The following ENO3 variants were observed in gnomAD, a reference collection of about 807,000 sequenced individuals.
ENO3 encodes beta-enolase.
ENO3 carries 46 observed loss-of-function variants against 47.7 expected under a neutral mutation model. The observed-to-expected ratio is 0.96, with a 90% CI of 0.76 to 1.23. ENO3 has a LOEUF of 1.23. Among genes scored for constraint, ENO3 ranks in the 50% most tolerant of loss-of-function variants. The pLI is 0.00. For synonymous variants in ENO3, 223 were observed against 225.9 expected, an observed-to-expected ratio of 0.99 and a Z score of 0.11; for missense variants, 575 against 566.2, an observed-to-expected ratio of 1.02 and a Z score of -0.16.
At position 4,955,492 on chromosome 17, in the gene ENO3, C is replaced by T; in HGVS notation, c.753C>T (p.Phe251=). Residue 251 remains phenylalanine, a synonymous_variant, in exon 8 of 12, where the codon TTC becomes TTT. Coordinates refer to ENST00000519602, the MANE Select transcript of ENO3 (RefSeq NM_053013.4). ...VIGMDVAASE[F]YRNGKYDLDF... ...GCATGGATGTGGCAGCATCTGAGTT[C>T]TATCGCAATGGGAAGTACGATCTTG... is the stretch of plus-strand genomic sequence containing the variant. 1 of 1,614,244 alleles carries T rather than the reference C, an allele frequency of 6.2e-7. No homozygotes were observed. The highest frequency in any genetic ancestry group is 8.5e-7 in the Non-Finnish European group (1 of 1,180,050).
chr17:4,956,531 A>G (rs1418230409), intron 9 of ENO3, 42 bp from the exon 10 acceptor site: 5 of 1,601,778 alleles, frequency 3.1e-6, no homozygotes, highest in East Asian at 2.2e-5. Flanking sequence ...TTTCCCACTG[A>G]GGAGGTTCTA....
chr17:4,952,820 T>G lies in ENO3; in HGVS notation c.111T>G (p.Ser37Arg). 6.2e-7 allele frequency: 1 copy of G among 1,611,586 alleles called. No homozygotes were observed. The highest frequency in any genetic ancestry group is 1.1e-5 in the South Asian group (1 of 90,500). The change falls in exon 3 of 12, where the codon AGT becomes AGG. Residue 37 changes from serine (S) to arginine (R), a missense_variant. By Grantham distance (110) the Ser-to-Arg change is moderately radical. Transcript: ENST00000519602. Reference sequence around the variant, plus strand: ...GCCGATTCCGAGCAGCTGTGCCCAGTGGGGCTTCCACGGGTATCTATGAGG... The same window carrying G: ...GCCGATTCCGAGCAGCTGTGCCCAGGGGGGCTTCCACGGGTATCTATGAGG... ...AKGRFRAAVPSGASTGIYEAL... is the reference protein window; with the variant it reads ...AKGRFRAAVPRGASTGIYEAL...
rs921449276 is a variant in ENO3 at position 4,954,092 on chromosome 17, G to A, written c.444+247G>A. On this transcript the variant is annotated intron_variant, in intron 6 of 11. Coordinates refer to ENST00000519602, the MANE Select transcript of ENO3 (RefSeq NM_053013.4). ...TCCTTCCCATTCCAATCCTAGGCTC[G>A]ATAACTCCAGCCTCGTTCCAACCCC... is the stretch of plus-strand genomic sequence containing the variant. 41 of 609,182 alleles carry A rather than the reference G, an allele frequency of 6.7e-5. 1 individual carries two copies. Among genetic ancestry groups the A allele is most frequent in the East Asian group, 4.7e-4 (16 of 34,390 alleles). 37.7% of individuals were successfully genotyped at this position (609,182 alleles called of 1,614,324 possible). A position where few individuals can be genotyped will look rare whatever the true frequency, so the allele number is the denominator to read the frequency against.
rs763327091 is a variant in ENO3 at position 4,955,513 on chromosome 17, T to G, written c.774T>G (p.Asp258Glu). The G allele has an allele frequency of 5.9e-5, 95 of 1,614,170 alleles. 1 individual carries two copies. The Middle Eastern group carries it at 5.8e-3, about 98-fold the overall frequency. ...ASEFYRNGKY[D>E]LDFKSPDDPA... ...AGTTCTATCGCAATGGGAAGTACGA[T>G]CTTGACTTCAAGTCGCCTGATGATC... is the stretch of plus-strand genomic sequence containing the variant. The change falls in exon 8 of 12, where the codon GAT (aspartate) becomes GAG (glutamate). Residue 258 changes from aspartate to glutamate, a missense_variant. By Grantham distance (45) the Asp-to-Glu change is conservative. Coordinates refer to ENST00000519602, the MANE Select transcript of ENO3 (RefSeq NM_053013.4).
chr17:4,956,885 A>G lies in ENO3; in HGVS notation c.1231A>G (p.Met411Val), dbSNP rs1004741565. The change falls in exon 11 of 12, where the codon ATG becomes GTG. Residue 411 changes from methionine to valine, a missense_variant. Physicochemically the swap from Met to Val is conservative, Grantham distance 21. Coordinates refer to ENST00000519602, the MANE Select transcript of ENO3 (RefSeq NM_053013.4). The stretch of plus-strand genomic sequence containing the variant: ...GCGTCTGGCCAAATACAACCAACTC[A>G]TGAGGTACAGCGGGAACAGTGGGCC... ...SERLAKYNQL[M>V]RIEEALGDKA... is the part of the protein sequence containing the mutation. 2 of 1,613,928 alleles carry G rather than the reference A, an allele frequency of 1.2e-6. No homozygotes were observed. Among genetic ancestry groups the G allele is most frequent in the African/African-American group, 1.3e-5 (1 of 74,908 alleles).
intron 2 of ENO3, 73 bp downstream of exon 2, chr17:4,951,987 G>GC (rs1597696424): frequency 6.6e-7 from 1 of 1,506,334 alleles, no homozygotes; most frequent in Non-Finnish European, 9.2e-7. Context: ...CCAGTTCTGT[G>GC]CCATATCCTC....
At chr17:4,953,567 T>C in intron 5 of ENO3, 145 bp from the exon 6 acceptor site, 1 of 1,506,708 alleles carries the variant, frequency 6.6e-7, no homozygotes, top group Non-Finnish European at 9.2e-7. Context: ...GGGGTGGGGG[T>C]TCCCAGGGCT....
At chr17:4,956,511 C>T in intron 9 of ENO3, 62 bp from the exon 10 acceptor site, 2 of 1,556,928 alleles carry the variant, frequency 1.3e-6, no homozygotes, top group Non-Finnish European at 1.8e-6. Context: ...AGGCCCCACC[C>T]AACCCCTGCT....
chr17:4,952,006 C>G lies in ENO3; in HGVS notation c.85+92C>G, dbSNP rs757940637. 1.2e-5 allele frequency: 16 copies of G among 1,388,240 alleles called. No individual in the cohort carries two copies. The African/African-American group carries it at 1.6e-4, about 14-fold the overall frequency. 86.0% of individuals were successfully genotyped at this position (1,388,240 alleles called of 1,614,324 possible). ...TTCTGTGCCATATCCTCTCCTTTCT[C>G]TCGGGTTCCCTTTCCCAGACTTCTT... On this transcript the variant is annotated intron_variant, in intron 2 of 11. Coordinates refer to ENST00000519602, the MANE Select transcript of ENO3 (RefSeq NM_053013.4).
intron 9 of ENO3, 136 bp downstream of exon 9, chr17:4,956,279 G>A: frequency 9.4e-7 from 1 of 1,069,086 alleles, no homozygotes; most frequent in Non-Finnish European, 1.4e-6. Flanking sequence ...TTGATCTCAA[G>A]ACTTTGTTTG....
At chr17:4,953,362 G>T (rs182308848) in intron 5 of ENO3, 21 bp downstream of exon 5, 3 of 1,614,214 alleles carry the variant, frequency 1.9e-6, no homozygotes, top group Non-Finnish European at 2.5e-6. Context: ...GGCTAGCGGT[G>T]GGGAAGGGAT....
Position 4,953,075 on chromosome 17 carries a change from T to C in ENO3, c.206T>C (p.Ile69Thr). The change falls in exon 4 of 12, where the codon ATC (isoleucine) becomes ACC (threonine). Residue 69 changes from isoleucine (I) to threonine (T), a missense_variant. Coordinates refer to ENST00000519602, the MANE Select transcript of ENO3 (RefSeq NM_053013.4). ...GGAGTCCTGAAGGCTGTGGAGAACA[T>C]CAACAATACTCTGGGCCCTGCTCTG... is the stretch of plus-strand genomic sequence containing the variant. The part of the protein sequence containing the change: ...GKGVLKAVEN[I>T]NNTLGPALLQ... The C allele has an allele frequency of 1.9e-6, 3 of 1,614,134 alleles. No homozygotes were observed. Among genetic ancestry groups the C allele is most frequent in the Non-Finnish European group, 1.7e-6 (2 of 1,180,024 alleles).
rs1294166452 is a variant in ENO3 at position 4,955,311 on chromosome 17, A to C, written c.667+14A>C. 3 of 1,612,704 alleles carry C rather than the reference A, an allele frequency of 1.9e-6. No homozygotes were observed. Among genetic ancestry groups the C allele is most frequent in the Non-Finnish European group, 8.5e-7 (1 of 1,179,478 alleles). On this transcript the variant is annotated intron_variant, in intron 7 of 11. Coordinates refer to ENST00000519602, the MANE Select transcript of ENO3 (RefSeq NM_053013.4). ...AGAACAATGAGGGTCAGTGCTGAGC[A>C]CCCTGGGGGGCAGACCCCCTGGATC...
Position 4,956,579 on chromosome 17 carries a change from A to G in ENO3, c.1074A>G (p.Lys358=). The part of the protein sequence containing the change: ...GSVTESIQAC[K]LAQSNGWGVM... Reference sequence around the variant, plus strand: ...AAATGTCCTCTCCACTCAGGTGCAAACTGGCTCAGTCTAATGGCTGGGGGG... The same window carrying G: ...AAATGTCCTCTCCACTCAGGTGCAAGCTGGCTCAGTCTAATGGCTGGGGGG... Residue 358 remains lysine (K), a synonymous_variant, in exon 10 of 12, where the codon AAA becomes AAG. Transcript: ENST00000519602. 1 of 1,614,120 alleles carries G rather than the reference A, an allele frequency of 6.2e-7. No individual in the cohort carries two copies. The highest frequency in any genetic ancestry group is 8.5e-7 in the Non-Finnish European group (1 of 1,180,014).
rs756615985 is a variant in ENO3, at chr17:4,956,597, C to G, written c.1092C>G (p.Gly364=). The G allele has an allele frequency of 6.2e-7, 1 of 1,614,194 alleles. No individual in the cohort carries two copies. Among genetic ancestry groups the G allele is most frequent in the Non-Finnish European group, 8.5e-7 (1 of 1,180,040 alleles). ...GGTGCAAACTGGCTCAGTCTAATGG[C>G]TGGGGGGTGATGGTGAGCCACCGCT... ...IQACKLAQSN[G]WGVMVSHRSG... is the part of the protein sequence containing the mutation. Residue 364 remains glycine, a synonymous_variant, in exon 10 of 12, where the codon GGC becomes GGG. Coordinates refer to ENST00000519602, the MANE Select transcript of ENO3 (RefSeq NM_053013.4).
chr17:4,951,793 ACT>A, intron 1 of ENO3, 33 bp from the exon 2 acceptor site: 1 of 1,606,456 alleles, frequency 6.2e-7, no homozygotes, highest in Non-Finnish European at 8.5e-7. Context: ...TAAGAGATCA[ACT>A]GTCTACACTC....
intron 6 of ENO3, chr17:4,954,213 T>C (rs560963526): frequency 3.1e-6 from 1 of 326,904 alleles, no homozygotes; most frequent in South Asian, 3.3e-5. Context: ...CAGTGCCTTC[T>C]TGATGAATGG....
chr17:4,953,355 T>C lies in ENO3; in HGVS notation c.310+14T>C. ...CCGAGAATAAGTGTGAGTGAAGGGC[T>C]AGCGGTGGGGAAGGGATGAGGTGTG... is the stretch of plus-strand genomic sequence containing the variant. On this transcript the variant is annotated intron_variant, in intron 5 of 11. Transcript: ENST00000519602. 1 of 1,614,182 alleles carries C rather than the reference T, an allele frequency of 6.2e-7. No individual in the cohort carries two copies.
intron 6 of ENO3, 58 bp from the exon 7 acceptor site, chr17:4,955,017 G>C: frequency 1.4e-6 from 2 of 1,456,766 alleles, no homozygotes; most frequent in African/African-American, 1.4e-5. Flanking sequence ...CCCCGCCCCT[G>C]TCCCTTCTTG....
Sources: gnomAD v4.1 joint callset for allele counts on GRCh38, gnomAD v4.1.1 for gene constraint, MANE v1.5 for transcripts, NCBI Gene and HGNC (gene_info 2026-07-23, HGNC 2026-07-21) for gene names.